The following DACH2 variants were observed in gnomAD, a reference collection of about 807,000 sequenced individuals.
DACH2 encodes the protein dachshund homolog 2.
DACH2 carries 17 observed loss-of-function variants against 35.8 expected under a neutral mutation model. The observed-to-expected ratio is 0.48, with a 90% CI of 0.33 to 0.71. The LOEUF (loss-of-function observed/expected upper bound fraction) is 0.71, where lower values mean the gene tolerates loss of function less well. Ranked by LOEUF, DACH2 falls within the 30% of genes least tolerant of loss-of-function variation. DACH2 has a pLI of 0.02. For synonymous variants in DACH2, 195 were observed against 177.3 expected (o/e 1.10, Z -0.79); for missense variants, 469 against 472.7 (o/e 0.99, Z 0.07).
At chrX:86,330,492 A>G (rs1336973319) in intron 1 of DACH2, among the ~76,000 whole-genome samples, 1 of 111,925 alleles carries the variant, frequency 8.9e-6, no homozygotes, top group African/African-American at 3.2e-5. Flanking sequence ...ATCAATTTTA[A>G]TTAGACAACA....
At chrX:86,378,124 T>A in intron 2 of DACH2, among the ~76,000 whole-genome samples, 1 of 110,959 alleles carries the variant, frequency 9.0e-6, no homozygotes, top group Non-Finnish European at 1.9e-5. Flanking sequence ...CACTTTATTT[T>A]TGATTTTCTA....
chrX:86,813,359 C>G, intron 9 of DACH2, 82 bp downstream of exon 9: 1 of 918,906 alleles, frequency 1.1e-6, no homozygotes. Context: ...TCCAAGATAT[C>G]TTGGAGGCTG....
chrX:86,521,909 A>T (rs1258584683), intron 3 of DACH2, among the ~76,000 whole-genome samples: 2 of 111,658 alleles, frequency 1.8e-5, no homozygotes, highest in African/African-American at 6.5e-5. Flanking sequence ...CATCATTCTT[A>T]GATTTATTTC....
intron 2 of DACH2, among the ~76,000 whole-genome samples, chrX:86,428,944 T>C (rs2036938193): frequency 9.0e-6 from 1 of 111,218 alleles, no homozygotes; most frequent in African/African-American, 3.3e-5. Context: ...AAATTGTATA[T>C]ACACGATTTA....
At chrX:86,321,515 T>C (rs1310061104) in intron 1 of DACH2, among the ~76,000 whole-genome samples, 3 of 111,913 alleles carry the variant, frequency 2.7e-5, no homozygotes, top group Non-Finnish European at 3.8e-5. Context: ...CCCTCTAATA[T>C]GTACATTTAA....
chrX:86,670,785 C>A (rs2040756125), intron 4 of DACH2, among the ~76,000 whole-genome samples: 1 of 111,859 alleles, frequency 8.9e-6, no homozygotes, highest in South Asian at 3.7e-4. Context: ...GCTCTGTTAC[C>A]ATAAGGACAA....
chrX:86,241,385 G>C (rs1250243470), intron 1 of DACH2, among the ~76,000 whole-genome samples: 1 of 111,965 alleles, frequency 8.9e-6, no homozygotes, highest in Non-Finnish European at 1.9e-5. Flanking sequence ...GAACTTGAGA[G>C]AGATGAATCA....
chrX:86,686,087 G>A (rs986445869), intron 4 of DACH2, among the ~76,000 whole-genome samples: 7 of 111,737 alleles, frequency 6.3e-5, no homozygotes, highest in African/African-American at 2.3e-4. Context: ...CAGATTTTTC[G>A]AGTCTTTCAA....
chrX:86,481,674 G>T (rs1374374403), intron 2 of DACH2: 1 of 112,008 alleles, frequency 8.9e-6, no homozygotes, highest in East Asian at 2.8e-4. Context: ...TGCTTCATAC[G>T]AGAGTAATTC....
chrX:86,581,890 C>T (rs2039505833), intron 3 of DACH2, among the ~76,000 whole-genome samples: 1 of 111,340 alleles, frequency 9.0e-6, no homozygotes, highest in African/African-American at 3.3e-5. Flanking sequence ...ACCAATAAGC[C>T]TACCCTAAAA....
chrX:86,603,801 C>T (rs1355614628), intron 3 of DACH2, among the ~76,000 whole-genome samples: 2 of 111,423 alleles, frequency 1.8e-5, no homozygotes, highest in African/African-American at 3.3e-5. Flanking sequence ...TAAGTATTCT[C>T]ATTAATACTA....
At chrX:86,635,764 C>G (rs2040257604) in intron 3 of DACH2, among the ~76,000 whole-genome samples, 1 of 111,230 alleles carries the variant, frequency 9.0e-6, no homozygotes, top group South Asian at 3.8e-4. Context: ...AAATCATGAA[C>G]ACAGTCTCAT....
rs1313306332 is a variant in DACH2 at position 86,291,552 on chromosome X, T to G, written c.489-85272T>G. Among the ~76,000 whole-genome samples, 154 of 108,260 alleles carry G rather than the reference T, an allele frequency of 1.4e-3. 1 individual carries two copies. Among genetic ancestry groups the G allele is most frequent in the African/African-American group, 1.9e-3 (54 of 29,158 alleles). 94.0% of individuals were successfully genotyped at this position (108,260 alleles called of 115,157 possible). A position where few individuals can be genotyped will look rare whatever the true frequency, so the allele number is the denominator to read the frequency against. The stretch of plus-strand genomic sequence containing the variant: ...TTTTTGCCCATTCAGTATGATATTG[T>G]CTGTGGGTTTGTCATAGATAGCTCT... On this transcript the variant is annotated intron_variant, in intron 1 of 11. Coordinates refer to ENST00000373125, the MANE Select transcript of DACH2 (RefSeq NM_053281.3).
chrX:86,569,981 T>C (rs1460278577), intron 3 of DACH2, among the ~76,000 whole-genome samples: 6 of 111,065 alleles, frequency 5.4e-5, no homozygotes, highest in Admixed American at 9.6e-5. Context: ...AACAAACATA[T>C]GAAAAAAAGA....
intron 7 of DACH2, among the ~76,000 whole-genome samples, chrX:86,803,361 A>G (rs1463015288): frequency 9.0e-6 from 1 of 111,512 alleles, no homozygotes; most frequent in Non-Finnish European, 1.9e-5. Context: ...TATACAAGCT[A>G]TTTTTCGAAA....
chrX:86,446,554 T>C, intron 2 of DACH2, among the ~76,000 whole-genome samples: 1 of 47,955 alleles, frequency 2.1e-5, no homozygotes, highest in Admixed American at 2.8e-4. Context: ...GTTTGGTTTT[T>C]TGTTCTTGCG....
At chrX:86,231,256 T>C (rs1273990677) in intron 1 of DACH2, among the ~76,000 whole-genome samples, 1 of 112,711 alleles carries the variant, frequency 8.9e-6, no homozygotes, top group African/African-American at 3.2e-5. Flanking sequence ...GTTTACCACC[T>C]GCCAGGAGGT....
At chrX:86,727,450 T>A (rs1217305816) in intron 6 of DACH2, among the ~76,000 whole-genome samples, 2 of 111,981 alleles carry the variant, frequency 1.8e-5, no homozygotes, top group Non-Finnish European at 3.8e-5. Context: ...GTCATGTTTT[T>A]TTTTCTTTCA....
chrX:86,183,676 G>A (rs770333698), intron 1 of DACH2, among the ~76,000 whole-genome samples: 50 of 111,551 alleles, frequency 4.5e-4, no homozygotes, highest in Non-Finnish European at 7.2e-4. Flanking sequence ...GTATCAGGAT[G>A]ATGCTGGCCT....
Sources: gnomAD v4.1 joint callset for allele counts (sites outside exome capture counted in the v4.1 genomes callset) on GRCh38, gnomAD v4.1.1 for gene constraint, MANE v1.5 for transcripts, NCBI Gene and HGNC (gene_info 2026-07-23, HGNC 2026-07-21) for gene names.